The following MYZAP variants were observed in gnomAD, a reference collection of about 807,000 sequenced individuals.
The protein encoded by MYZAP is GRINL1A complex locus upstream.
MYZAP carries 66 observed loss-of-function variants against 69.4 expected under a neutral mutation model. The observed-to-expected ratio is 0.95, with a 90% confidence interval of 0.78 to 1.17. The LOEUF (loss-of-function observed/expected upper bound fraction) is 1.17, where lower values mean the gene tolerates loss of function less well. Among genes scored for constraint, MYZAP ranks in the 50% most tolerant of loss-of-function variants. The pLI, the probability that MYZAP is intolerant of heterozygous loss-of-function variation, is 0.00. For synonymous variants in MYZAP, 256 were observed against 205.9 expected (o/e 1.24, Z -2.09); for missense variants, 611 against 556.2 (o/e 1.10, Z -0.99).
intron 12 of MYZAP, among the ~76,000 whole-genome samples, chr15:57,676,055 C>G (rs1595941213): frequency 6.6e-6 from 1 of 152,074 alleles, no homozygotes; most frequent in African/African-American, 2.4e-5. Flanking sequence ...GTGTGGAATA[C>G]CTGGTTCTTG....
chr15:57,604,381 C>T (rs2034606956), intron 2 of MYZAP, 26 bp downstream of exon 2: 2 of 1,613,274 alleles, frequency 1.2e-6, no homozygotes, highest in Non-Finnish European at 8.5e-7. Flanking sequence ...GGCAAAGCCC[C>T]AACAAGTTCC....
chr15:57,674,332 C>T (rs962248326), intron 11 of MYZAP, among the ~76,000 whole-genome samples: 38 of 151,916 alleles, frequency 2.5e-4, no homozygotes, highest in African/African-American at 9.2e-4. Flanking sequence ...GGCTCTGGCC[C>T]GAAAGAAAAA....
rs1323410079 is a variant in MYZAP at position 57,618,178 on chromosome 15, A to G, written c.308A>G (p.Tyr103Cys). 3.7e-6 allele frequency: 6 copies of G among 1,613,742 alleles called. No homozygotes were observed. The East Asian group carries it at 6.7e-5, about 18-fold the overall frequency. The change falls in exon 3 of 13, where the codon TAC becomes TGC. Residue 103 changes from tyrosine to cysteine, a missense_variant. By Grantham distance (194) the Tyr-to-Cys change is radical (BLOSUM62 -2). Coordinates refer to ENST00000267853, the MANE Select transcript of MYZAP (RefSeq NM_001018100.5). ...AGTCAGCTGAAAGAAGAGATGAACT[A>G]CATCAAAGATGTGAGCCATTTAAGA... ...STSQLKEEMN[Y>C]IKDVRATLEK...
At chr15:57,597,744 AAAAGTT>A (rs1466688085) in intron 1 of MYZAP, among the ~76,000 whole-genome samples, 3 of 152,234 alleles carry the variant, frequency 2.0e-5, no homozygotes, top group African/African-American at 7.2e-5. Context: ...TCTCTACAGA[AAAAGTT>A]CGCCCCACCC....
intron 4 of MYZAP, 106 bp downstream of exon 4, chr15:57,621,806 C>A: frequency 2.1e-6 from 2 of 953,730 alleles, no homozygotes; most frequent in Non-Finnish European, 3.0e-6. Flanking sequence ...TGTTCTTTAT[C>A]AATAGAATTA....
chr15:57,640,227 T>C (rs1840034009), intron 10 of MYZAP, among the ~76,000 whole-genome samples: 1 of 152,238 alleles, frequency 6.6e-6, no homozygotes. Flanking sequence ...TTAACTTGTG[T>C]CAATATAATC....
intron 1 of MYZAP, chr15:57,599,780 G>A: frequency 8.9e-7 from 1 of 1,118,526 alleles, no homozygotes; most frequent in Admixed American, 2.3e-5. Flanking sequence ...AATGGAGGGA[G>A]GTAGACTGTA....
At chr15:57,627,722 G>T (rs190771942) in intron 5 of MYZAP, among the ~76,000 whole-genome samples, 1 of 152,062 alleles carries the variant, frequency 6.6e-6, no homozygotes, top group Non-Finnish European at 1.5e-5. Flanking sequence ...AACTGAGGCC[G>T]ACAGAGAGAA....
At chr15:57,640,238 C>T (rs2037070502) in intron 10 of MYZAP, among the ~76,000 whole-genome samples, 1 of 152,026 alleles carries the variant, frequency 6.6e-6, no homozygotes, top group Non-Finnish European at 1.5e-5. Context: ...CAATATAATC[C>T]GCCTCTCTTG....
In MYZAP at chr15:57,616,822, C is replaced by CTTTTTTTTTTTTTTTTTTTTTTTTTTTTT. The variant is rs763856721; in HGVS notation, c.163-1186_163-1185insTTTTTTTTTTTTTTTTTTTTTTTTTTTTT. On this transcript the variant is annotated intron_variant, in intron 2 of 12. Transcript: ENST00000267853. ...GAGACTCCATCTAAAAAAAAAAGTG[C>CTTTTTTTTTTTTTTTTTTTTTTTTTTTTT]TTTTTTTTTTTTTTTTTTTTTTTTT... 4.4e-4 allele frequency among the ~76,000 whole-genome samples: 22 copies of CTTTTTTTTTTTTTTTTTTTTTTTTTTTTT among 50,060 alleles called. 3 individuals are homozygous for CTTTTTTTTTTTTTTTTTTTTTTTTTTTTT. Among genetic ancestry groups the CTTTTTTTTTTTTTTTTTTTTTTTTTTTTT allele is most frequent in the East Asian group, 3.9e-3 (4 of 1,026 alleles). 32.8% of individuals were successfully genotyped at this position (50,060 alleles called of 152,430 possible).
At chr15:57,617,729 T>C (rs1471736987) in intron 2 of MYZAP, among the ~76,000 whole-genome samples, 3 of 152,198 alleles carry the variant, frequency 2.0e-5, no homozygotes, top group African/African-American at 2.4e-5. Context: ...AAATGCTTGC[T>C]CTTCTTACTA....
In MYZAP at chr15:57,625,839, G is replaced by C; in HGVS notation, c.472G>C (p.Asp158His). Residue 158 changes from aspartate (D) to histidine (H), a missense_variant, in exon 5 of 13, where the codon GAT becomes CAT. By Grantham distance (81) the Asp-to-His change is moderately conservative (BLOSUM62 -1). Transcript: ENST00000267853. ...CATCCAAACCCAGTCGTCTGCCCTG[G>C]ATCGTTTTAATGCCATGAACTCAGC... ...NHIQTQSSAL[D>H]RFNAMNSALA... 1 of 1,614,170 alleles carries C rather than the reference G, an allele frequency of 6.2e-7. No individual in the cohort carries two copies. Among genetic ancestry groups the C allele is most frequent in the South Asian group, 1.1e-5 (1 of 91,078 alleles).
chr15:57,596,612 A>G (rs1362586482), intron 1 of MYZAP, among the ~76,000 whole-genome samples: 1 of 152,150 alleles, frequency 6.6e-6, no homozygotes, highest in Non-Finnish European at 1.5e-5. Context: ...TGCTAAATCT[A>G]GTCTCCTGAC....
At chr15:57,666,618 G>A (rs1057402736) in intron 11 of MYZAP, among the ~76,000 whole-genome samples, 4 of 151,974 alleles carry the variant, frequency 2.6e-5, no homozygotes, top group Non-Finnish European at 5.9e-5. Context: ...GAGAACATGC[G>A]GTGTTCAGGG....
At chr15:57,592,777 C>G (rs1178588905) in intron 1 of MYZAP, among the ~76,000 whole-genome samples, 3 of 152,194 alleles carry the variant, frequency 2.0e-5, no homozygotes, top group African/African-American at 7.2e-5. Context: ...CTTTTCCCAT[C>G]TCTCCAGATG....
At chr15:57,599,627 A>G (rs1246944198) in intron 1 of MYZAP, 6 of 1,289,188 alleles carry the variant, frequency 4.7e-6, no homozygotes, top group Non-Finnish European at 6.1e-6. Flanking sequence ...AGGCACTGCC[A>G]AGCCTGGGGC....
intron 10 of MYZAP, among the ~76,000 whole-genome samples, chr15:57,653,542 A>T (rs2037832388): frequency 1.3e-5 from 2 of 152,226 alleles, no homozygotes; most frequent in South Asian, 4.1e-4. Context: ...ATAAGATTTA[A>T]ACAGTTTGAT....
chr15:57,627,202 G>C (rs1326592764), intron 5 of MYZAP, among the ~76,000 whole-genome samples: 2 of 152,008 alleles, frequency 1.3e-5, no homozygotes, highest in African/African-American at 4.8e-5. Context: ...TTTGCCATCT[G>C]GCCAACACTC....
chr15:57,591,935 G>T lies in MYZAP; in HGVS notation c.-100G>T, dbSNP rs1567194373. ...GGTGCAGCTGAGGCTGCAAGTAGCC[G>T]GCGCCGTCCCGCGTCGCCCCCGCGC... is the stretch of plus-strand genomic sequence containing the variant. On this transcript the variant is annotated 5_prime_UTR_variant, in exon 1 of 13. Coordinates refer to ENST00000267853, the MANE Select transcript of MYZAP (RefSeq NM_001018100.5). 1.8e-6 allele frequency: 2 copies of T among 1,121,578 alleles called. No homozygotes were observed. The highest frequency in any genetic ancestry group is 3.6e-5 in the South Asian group (1 of 27,608). The allele number at this position is 1,121,578 out of a possible 1,614,324, so 69.5% of individuals were successfully genotyped here.
Sources: gnomAD v4.1 joint callset for allele counts (sites outside exome capture counted in the v4.1 genomes callset) on GRCh38, gnomAD v4.1.1 for gene constraint, MANE v1.5 for transcripts, NCBI Gene and HGNC (gene_info 2026-07-23, HGNC 2026-07-21) for gene names.